The following SYNPR variants were observed in gnomAD, a reference collection of about 807,000 sequenced individuals.
The protein encoded by SYNPR is synaptoporin.
SYNPR carries 23 observed loss-of-function variants against 32.9 expected under a neutral mutation model. The ratio of observed to expected loss-of-function variants is 0.70; its 90% confidence interval spans 0.50 to 0.99. The LOEUF is 0.99. SYNPR is among the 50% of genes least tolerant of loss of function. The pLI is 0.00. For missense variants in SYNPR, 318 were observed against 349.3 expected (o/e 0.91, Z 0.71); for synonymous variants, 146 against 135.9 (o/e 1.07, Z -0.52).
chr3:63,503,297 T>A (rs184638593), intron 3 of SYNPR, among the ~76,000 whole-genome samples: 13 of 152,274 alleles, frequency 8.5e-5, no homozygotes, highest in Admixed American at 7.9e-4. Context: ...TTAATCAGAA[T>A]GTTTCCTTAT....
intron 4 of SYNPR, among the ~76,000 whole-genome samples, chr3:63,582,259 G>C (rs1009261604): frequency 1.3e-5 from 2 of 152,062 alleles, no homozygotes; most frequent in African/African-American, 4.8e-5. Context: ...GCTAAGTTCT[G>C]CAAATTTGTG....
chr3:63,210,896 T>C, the SYNPR span, among the ~76,000 whole-genome samples: 5 of 151,986 alleles, frequency 3.3e-5, no homozygotes, highest in Non-Finnish European at 7.4e-5. Context: ...TGTAGTTGAA[T>C]ATCACTTTGG....
At chr3:63,484,565 G>C (rs1223523213) in intron 3 of SYNPR, among the ~76,000 whole-genome samples, 1 of 152,072 alleles carries the variant, frequency 6.6e-6, no homozygotes, top group African/African-American at 2.4e-5. Flanking sequence ...AATGGAGAAG[G>C]GTCAGAATGA....
At chr3:63,599,900 G>T (rs1700013863) in intron 4 of SYNPR, among the ~76,000 whole-genome samples, 1 of 152,144 alleles carries the variant, frequency 6.6e-6, no homozygotes, top group East Asian at 1.9e-4. Context: ...AGCATAATTT[G>T]CTTTAAATGA....
chr3:63,228,777 A>C (rs1456564419), intron 1 of SYNPR, among the ~76,000 whole-genome samples: 1 of 151,784 alleles, frequency 6.6e-6, no homozygotes, highest in Non-Finnish European at 1.5e-5. Context: ...AATAGAATTA[A>C]CCATCTGGCA....
At chr3:63,455,428 T>G (rs1306432526) in intron 2 of SYNPR, among the ~76,000 whole-genome samples, 1 of 152,094 alleles carries the variant, frequency 6.6e-6, no homozygotes, top group Non-Finnish European at 1.5e-5. Flanking sequence ...TAATGACATT[T>G]TAAACTATCA....
chr3:63,278,861 C>G (rs1575584036), intron 2 of SYNPR, 119 bp downstream of exon 2: 5 of 728,594 alleles, frequency 6.9e-6, no homozygotes, highest in Non-Finnish European at 9.7e-6. Context: ...ACCCTCAAGC[C>G]GGGGATTTCA....
intron 2 of SYNPR, among the ~76,000 whole-genome samples, chr3:63,339,775 A>G (rs1321341815): frequency 6.6e-6 from 1 of 151,416 alleles, no homozygotes; most frequent in Non-Finnish European, 1.5e-5. Flanking sequence ...CTCCTGCCTC[A>G]GCCATCTGAG....
Position 63,278,458 on chromosome 3 carries a change from C to T in SYNPR, c.-76C>T. ...GGCTGCTCCCGAAGGGGCTTCTGGC[C>T]CTGAGGACGGTGGTGCCAAGCGAAC... is the stretch of plus-strand genomic sequence containing the variant. On this transcript the variant is annotated 5_prime_UTR_variant, in exon 1 of 6. Coordinates refer to ENST00000478300, the MANE Select transcript of SYNPR (RefSeq NM_001130003.2). 1.3e-6 allele frequency: 2 copies of T among 1,501,402 alleles called. No homozygotes were observed. The highest frequency in any genetic ancestry group is 1.8e-6 in the Non-Finnish European group (2 of 1,120,456). The allele number at this position is 1,501,402 out of a possible 1,614,324, so 93.0% of individuals were successfully genotyped here.
chr3:63,396,591 T>C (rs1560216441), intron 2 of SYNPR, among the ~76,000 whole-genome samples: 1 of 152,146 alleles, frequency 6.6e-6, no homozygotes. Flanking sequence ...CTCTGGACTA[T>C]CAGGTCTTTA....
At chr3:63,469,812 C>T (rs901206640) in intron 2 of SYNPR, among the ~76,000 whole-genome samples, 2 of 152,048 alleles carry the variant, frequency 1.3e-5, no homozygotes, top group African/African-American at 4.8e-5. Context: ...ATAAGCAGGT[C>T]AAAAATGTTC....
At chr3:63,531,789 C>T (rs1022281571) in intron 3 of SYNPR, among the ~76,000 whole-genome samples, 1 of 152,164 alleles carries the variant, frequency 6.6e-6, no homozygotes, top group Admixed American at 6.6e-5. Context: ...TTTACTTCCT[C>T]CCAAATAAAC....
chr3:63,615,600 C>T lies in SYNPR; in HGVS notation c.*119C>T. 1 of 1,342,454 alleles carries T rather than the reference C, an allele frequency of 7.4e-7. No individual in the cohort carries two copies. Among genetic ancestry groups the T allele is most frequent in the Non-Finnish European group, 1.0e-6 (1 of 999,252 alleles). The allele number at this position is 1,342,454 out of a possible 1,614,324, so 83.2% of individuals were successfully genotyped here. ...AGAGAGTATTGAATGTAAATCAGAGCTCTCTAGTCTTCATTAAGGCAGCAA... is the reference window on the plus strand; with the variant it reads ...AGAGAGTATTGAATGTAAATCAGAGTTCTCTAGTCTTCATTAAGGCAGCAA... On this transcript the variant is annotated 3_prime_UTR_variant, in exon 6 of 6. Coordinates refer to ENST00000478300, the MANE Select transcript of SYNPR (RefSeq NM_001130003.2).
chr3:63,203,064 A>ATGTGTGTGTGTGTG, the SYNPR span, among the ~76,000 whole-genome samples: 1 of 43,008 alleles, frequency 2.3e-5, no homozygotes, highest in Non-Finnish European at 5.2e-5. Context: ...ATATATATGT[A>ATGTGTGTGTGTGTG]TGTGTATATA....
intron 3 of SYNPR, among the ~76,000 whole-genome samples, chr3:63,487,725 T>A (rs1358357823): frequency 6.6e-6 from 1 of 152,186 alleles, no homozygotes; most frequent in African/African-American, 2.4e-5. Context: ...TTTAAAAAAA[T>A]TTAACTAATG....
chr3:63,386,493 C>A (rs975341783), intron 2 of SYNPR, among the ~76,000 whole-genome samples: 3 of 152,174 alleles, frequency 2.0e-5, no homozygotes, highest in Non-Finnish European at 4.4e-5. Flanking sequence ...GTTCCCGAAA[C>A]CTGCTTTGTG....
chr3:63,554,086 T>C (rs1218330364), intron 3 of SYNPR, among the ~76,000 whole-genome samples: 2 of 152,218 alleles, frequency 1.3e-5, no homozygotes, highest in East Asian at 3.9e-4. Flanking sequence ...GTTCATTTCT[T>C]GCTTGTTGAT....
chr3:63,591,598 C>T (rs1301730196), intron 4 of SYNPR, among the ~76,000 whole-genome samples: 47 of 135,498 alleles, frequency 3.5e-4, no homozygotes, highest in African/African-American at 1.3e-3. Flanking sequence ...AAATGTGGCA[C>T]ATATACACCA....
intron 2 of SYNPR, among the ~76,000 whole-genome samples, chr3:63,389,151 C>T (rs1560213703): frequency 6.6e-6 from 1 of 152,124 alleles, no homozygotes. Context: ...CATTATGTAA[C>T]AGTATATTGT....
Sources: allele counts gnomAD v4.1 joint callset (sites outside exome capture counted in the v4.1 genomes callset), GRCh38; gene constraint gnomAD v4.1.1; transcripts MANE v1.5; gene names NCBI Gene and HGNC (gene_info 2026-07-23, HGNC 2026-07-21).